IL13RA1: variants seen among roughly 807,000 people sequenced by gnomAD.
The protein encoded by IL13RA1 is interleukin 13 receptor subunit alpha 1, also known as interleukin-13 receptor subunit alpha-1.
A neutral mutation model predicts 33.8 loss-of-function variants in IL13RA1; 14 were observed. That is an observed-to-expected ratio of 0.41 (90% confidence interval 0.27 to 0.65). The LOEUF is 0.65. Among genes scored for constraint, IL13RA1 ranks in the 30% least tolerant of loss-of-function variants. The pLI is 0.28. For synonymous variants in IL13RA1, 116 were observed against 115.7 expected (o/e 1.00, Z -0.02); for missense variants, 313 against 327.0 (o/e 0.96, Z 0.33).
intron 1 of IL13RA1, among the ~76,000 whole-genome samples, chrX:118,735,330 C>T (rs1395872027): frequency 1.8e-5 from 2 of 110,261 alleles, no homozygotes; most frequent in Non-Finnish European, 3.8e-5. Flanking sequence ...GTCTAATCTT[C>T]ATTATTTCCT....
the IL13RA1 span, among the ~76,000 whole-genome samples, chrX:118,802,237 T>C: frequency 1.8e-5 from 2 of 112,369 alleles, no homozygotes; most frequent in African/African-American, 3.2e-5. Flanking sequence ...CTGGATTCTC[T>C]GTAAGCTTTG....
Position 118,741,439 on chromosome X carries a change from A to G in IL13RA1, c.228+283A>G, listed in dbSNP as rs188460238. Among the ~76,000 whole-genome samples the G allele has an allele frequency of 1.8e-4, 20 of 112,229 alleles. No individual in the cohort carries two copies. In the East Asian group the frequency reaches 5.6e-3, roughly 31 times the overall value. ...AATAAATAATTATGTTATTGTTAAAATTTGTTCCTATGTTCCTGCCTGTAG... is the reference window on the plus strand; with the variant it reads ...AATAAATAATTATGTTATTGTTAAAGTTTGTTCCTATGTTCCTGCCTGTAG... On this transcript the variant is annotated intron_variant, in intron 2 of 10. Coordinates refer to ENST00000371666, the MANE Select transcript of IL13RA1 (RefSeq NM_001560.3).
chrX:118,746,534 A>G (rs986108775), intron 2 of IL13RA1, among the ~76,000 whole-genome samples: 2 of 111,624 alleles, frequency 1.8e-5, no homozygotes, highest in African/African-American at 6.5e-5. Context: ...TAGAGAGTTG[A>G]TATGTTAGCA....
chrX:118,743,943 C>T (rs956855469), intron 2 of IL13RA1, among the ~76,000 whole-genome samples: 1 of 111,582 alleles, frequency 9.0e-6, no homozygotes, highest in African/African-American at 3.3e-5. Flanking sequence ...GTCAGGAGTT[C>T]AAGACCAGCC....
chrX:118,745,275 G>C (rs913885487), intron 2 of IL13RA1, among the ~76,000 whole-genome samples: 3 of 112,161 alleles, frequency 2.7e-5, no homozygotes, highest in African/African-American at 6.5e-5. Context: ...TCAGAAATTA[G>C]TTGTAAAAAT....
intron 10 of IL13RA1, among the ~76,000 whole-genome samples, chrX:118,789,332 G>A (rs777670119): frequency 8.9e-6 from 1 of 112,157 alleles, no homozygotes; most frequent in East Asian, 2.8e-4. Flanking sequence ...TTCATAAGAA[G>A]CATAGATTAC....
chrX:118,790,291 C>T (rs984745797), intron 10 of IL13RA1, among the ~76,000 whole-genome samples: 1 of 112,360 alleles, frequency 8.9e-6, no homozygotes, highest in Non-Finnish European at 1.9e-5. Flanking sequence ...TAAGAGACAT[C>T]CACACTGTGG....
chrX:118,802,892 A>C, the IL13RA1 span, among the ~76,000 whole-genome samples: 2 of 111,538 alleles, frequency 1.8e-5, no homozygotes, highest in Admixed American at 1.9e-4. Context: ...TTCAAGCTCC[A>C]CCCCACTATC....
chrX:118,736,048 C>T (rs1698490768), intron 1 of IL13RA1, among the ~76,000 whole-genome samples: 1 of 111,607 alleles, frequency 9.0e-6, no homozygotes, highest in African/African-American at 3.2e-5. Context: ...CTGCTCAAAT[C>T]TACCTTTGAT....
rs143807300 is a variant in IL13RA1, at chrX:118,787,300, C to T, written c.1192-4462C>T. ...GCAGGTTCCATGATGCCCCCTAAGC[C>T]GTAAAACCAGCAAGTTTTTATTAGC... On this transcript the variant is annotated intron_variant, in intron 10 of 10. Coordinates refer to ENST00000371666, the MANE Select transcript of IL13RA1 (RefSeq NM_001560.3). Among the ~76,000 whole-genome samples, 245 of 111,323 alleles carry T rather than the reference C, an allele frequency of 2.2e-3. 1 individual carries two copies. The highest frequency in any genetic ancestry group is 7.7e-3 in the African/African-American group (235 of 30,583).
At chrX:118,785,089 T>C (rs1019879159) in intron 10 of IL13RA1, among the ~76,000 whole-genome samples, 3 of 110,976 alleles carry the variant, frequency 2.7e-5, no homozygotes, top group Non-Finnish European at 3.8e-5. Flanking sequence ...CCATGTTTTC[T>C]TTGACCTTTC....
chrX:118,787,787 C>T (rs1349272059), intron 10 of IL13RA1, among the ~76,000 whole-genome samples: 8 of 111,921 alleles, frequency 7.1e-5, no homozygotes, highest in Admixed American at 4.7e-4. Context: ...ACTGTCCTGC[C>T]CGGCTCCAGG....
In IL13RA1 at chrX:118,794,185, G is replaced by A. The variant is rs1342551867; in HGVS notation, c.*2331G>A. The A allele has an allele frequency of 1.8e-5, 2 of 111,649 alleles. No homozygotes were observed. Among genetic ancestry groups the A allele is most frequent in the African/African-American group, 6.5e-5 (2 of 30,652 alleles). 9.2% of individuals were successfully genotyped at this position (111,649 alleles called of 1,213,427 possible). On this transcript the variant is annotated 3_prime_UTR_variant, in exon 11 of 11. Transcript: ENST00000371666. Reference sequence around the variant, plus strand: ...AGTAAAATAGCTGAGGGAAAAGGGAGGGAAAAGGAAGTTATGGGAATACCT... The same window carrying A: ...AGTAAAATAGCTGAGGGAAAAGGGAAGGAAAAGGAAGTTATGGGAATACCT...
chrX:118,747,357 GCA>G (rs983597918), intron 3 of IL13RA1, among the ~76,000 whole-genome samples: 5 of 108,401 alleles, frequency 4.6e-5, no homozygotes, highest in African/African-American at 1.0e-4. Context: ...GCACGCGCGC[GCA>G]CACACACACT....
At chrX:118,773,667 G>T (rs2017749960) in intron 8 of IL13RA1, among the ~76,000 whole-genome samples, 2 of 108,081 alleles carry the variant, frequency 1.9e-5, no homozygotes, top group Admixed American at 2.0e-4. Flanking sequence ...TTAGGTATTT[G>T]CTCGCCTAGG....
In IL13RA1 at chrX:118,792,862, T is replaced by TA. The variant is rs2017992493; in HGVS notation, c.*1009dup. The TA allele has an allele frequency of 9.0e-6, 1 of 111,140 alleles. No individual in the cohort carries two copies. The highest frequency in any genetic ancestry group is 9.6e-5 in the Admixed American group (1 of 10,468). 9.2% of individuals were successfully genotyped at this position (111,140 alleles called of 1,213,427 possible). On this transcript the variant is annotated 3_prime_UTR_variant, in exon 11 of 11. Transcript: ENST00000371666. ...GGAGGTAGAATGACTCCTTGGGTAT[T>TA]AGAGTTTCAACCATGAAGTCTCTAA...
chrX:118,796,703 T>C (rs1391459865), downstream of IL13RA1, among the ~76,000 whole-genome samples: 2 of 111,218 alleles, frequency 1.8e-5, no homozygotes, highest in African/African-American at 6.5e-5. Context: ...GCCCGGCTAA[T>C]GTTTGTATTT....
intron 10 of IL13RA1, among the ~76,000 whole-genome samples, chrX:118,782,069 A>T (rs988091865): frequency 9.2e-6 from 1 of 109,147 alleles, no homozygotes; most frequent in Non-Finnish European, 1.9e-5. Flanking sequence ...TTCTACATTT[A>T]CTTTTCTTTT....
At chrX:118,778,256 T>G (rs1321124848) in intron 10 of IL13RA1, among the ~76,000 whole-genome samples, 1 of 111,620 alleles carries the variant, frequency 9.0e-6, no homozygotes, top group Non-Finnish European at 1.9e-5. Flanking sequence ...AGTGATGATA[T>G]TTGGTTAGGG....
Sources: gnomAD v4.1 joint callset for allele counts (sites outside exome capture counted in the v4.1 genomes callset) on GRCh38, gnomAD v4.1.1 for gene constraint, MANE v1.5 for transcripts, NCBI Gene and HGNC (gene_info 2026-07-23, HGNC 2026-07-21) for gene names.